Variants in PTPRR observed in about 807,000 individuals in gnomAD.
PTPRR encodes the protein receptor-type tyrosine-protein phosphatase R.
PTPRR carries 38 observed loss-of-function variants against 77.2 expected under a neutral mutation model. The observed-to-expected ratio is 0.49, with a 90% CI of 0.38 to 0.65. The LOEUF (loss-of-function observed/expected upper bound fraction) is 0.65, where lower values mean the gene tolerates loss of function less well. PTPRR is among the 30% of genes least tolerant of loss of function. The pLI, the probability that PTPRR is intolerant of heterozygous loss-of-function variation, is 0.00. For missense variants in PTPRR, 744 were observed against 799.2 expected, an observed-to-expected ratio of 0.93 and a Z score of 0.83; for synonymous variants, 299 against 283.1, an observed-to-expected ratio of 1.06 and a Z score of -0.57.
At chr12:70,908,212 T>C (rs2137133750) in intron 1 of PTPRR, among the ~76,000 whole-genome samples, 1 of 152,176 alleles carries the variant, frequency 6.6e-6, no homozygotes, top group South Asian at 2.1e-4. Flanking sequence ...AAAACGAACA[T>C]TAGAACACAT....
In PTPRR at chr12:70,828,050, G is replaced by A. The variant is rs11178447; in HGVS notation, c.358-63272C>T. On this transcript the variant is annotated intron_variant, in intron 2 of 13. Transcript: ENST00000283228. ...TTTCTTTCATAAGGGCGCTAATCCC[G>A]GTCATGAAGGTTCTGCTCTCATGAC... 7.6e-3 allele frequency among the ~76,000 whole-genome samples: 1,160 copies of A among 152,136 alleles called. 15 individuals carry two copies. The highest frequency in any genetic ancestry group is 0.026 in the African/African-American group (1,092 of 41,508).
chr12:70,812,168 A>C (rs1224871082), intron 2 of PTPRR, among the ~76,000 whole-genome samples: 1 of 152,174 alleles, frequency 6.6e-6, no homozygotes. Context: ...AAAGCTACAA[A>C]ATCTCAGAGG....
intron 1 of PTPRR, among the ~76,000 whole-genome samples, chr12:70,900,731 T>C (rs1893519793): frequency 6.6e-6 from 1 of 151,664 alleles, no homozygotes; most frequent in Admixed American, 6.6e-5. Flanking sequence ...CAGATATTTC[T>C]GAAAAGACGA....
chr12:70,766,808 C>T (rs1357842320), intron 2 of PTPRR, among the ~76,000 whole-genome samples: 10 of 152,046 alleles, frequency 6.6e-5, no homozygotes, highest in South Asian at 2.1e-4. Flanking sequence ...AGACTAACAG[C>T]GGATCTCTCA....
chr12:70,714,934 G>T (rs1251752896), intron 6 of PTPRR, among the ~76,000 whole-genome samples: 1 of 152,148 alleles, frequency 6.6e-6, no homozygotes, highest in Non-Finnish European at 1.5e-5. Flanking sequence ...ACAGTGAGCC[G>T]TGATCACGCT....
At chr12:70,902,013 T>C (rs1194172770) in intron 1 of PTPRR, among the ~76,000 whole-genome samples, 1 of 151,700 alleles carries the variant, frequency 6.6e-6, no homozygotes, top group African/African-American at 2.4e-5. Context: ...AAGACATGAA[T>C]AGACAATTCT....
At chr12:70,800,490 C>T (rs1157180860) in intron 2 of PTPRR, among the ~76,000 whole-genome samples, 1 of 152,154 alleles carries the variant, frequency 6.6e-6, no homozygotes, top group Non-Finnish European at 1.5e-5. Context: ...GTAGCACTTG[C>T]TATGTCCCAG....
At chr12:70,880,883 C>T (rs1893138530) in intron 2 of PTPRR, among the ~76,000 whole-genome samples, 1 of 152,036 alleles carries the variant, frequency 6.6e-6, no homozygotes, top group Admixed American at 6.6e-5. Flanking sequence ...TTTAATAATC[C>T]AGCTTGGCAT....
chr12:70,696,464 A>T (rs1042337179), intron 8 of PTPRR, among the ~76,000 whole-genome samples: 1 of 152,084 alleles, frequency 6.6e-6, no homozygotes, highest in African/African-American at 2.4e-5. Flanking sequence ...TTTCATCTGG[A>T]TTGGAATCAC....
rs869285373 is a variant in PTPRR, at chr12:70,827,709, C to CTTTTT, written c.358-62936_358-62932dup. ...TATAGGTGCCTGCCACCACACCTGG[C>CTTTTT]TTTTTTTTTTTTTTTTTTTTTTTTT... On this transcript the variant is annotated intron_variant, in intron 2 of 13. Transcript: ENST00000283228. 5.9e-4 allele frequency among the ~76,000 whole-genome samples: 38 copies of CTTTTT among 63,870 alleles called. 4 individuals carry two copies. The highest frequency in any genetic ancestry group is 3.2e-3 in the African/African-American group (34 of 10,586). The allele number at this position is 63,870 out of a possible 152,430, so 41.9% of individuals were successfully genotyped here.
chr12:70,687,046 G>A (rs976997953), intron 8 of PTPRR, among the ~76,000 whole-genome samples: 3 of 152,178 alleles, frequency 2.0e-5, no homozygotes, highest in East Asian at 3.9e-4. Context: ...GTGTCAGGTA[G>A]AGCAGGTAAC....
chr12:70,704,165 T>A (rs1052324266), intron 6 of PTPRR, among the ~76,000 whole-genome samples: 1 of 152,070 alleles, frequency 6.6e-6, no homozygotes, highest in African/African-American at 2.4e-5. Flanking sequence ...CTGACATCTG[T>A]AATCCCAGCA....
intron 6 of PTPRR, among the ~76,000 whole-genome samples, chr12:70,743,864 G>A (rs1366763730): frequency 1.3e-5 from 2 of 152,126 alleles, no homozygotes; most frequent in Non-Finnish European, 2.9e-5. Flanking sequence ...GGTCTACAGA[G>A]GGCAGGATGC....
At chr12:70,899,454 G>A (rs1893492020) in intron 1 of PTPRR, among the ~76,000 whole-genome samples, 1 of 151,342 alleles carries the variant, frequency 6.6e-6, no homozygotes, top group African/African-American at 2.4e-5. Flanking sequence ...TCTACTGAGA[G>A]TCTAAAGAGG....
At chr12:70,833,469 T>C (rs1892250336) in intron 2 of PTPRR, among the ~76,000 whole-genome samples, 1 of 151,974 alleles carries the variant, frequency 6.6e-6, no homozygotes, top group Non-Finnish European at 1.5e-5. Flanking sequence ...AAGACATCAG[T>C]GTAAAGGTGA....
intron 1 of PTPRR, among the ~76,000 whole-genome samples, chr12:70,896,298 TC>T (rs1219832882): frequency 6.6e-6 from 1 of 151,608 alleles, no homozygotes; most frequent in Non-Finnish European, 1.5e-5. Flanking sequence ...TTTTAACTGT[TC>T]CCTCTCAATA....
intron 6 of PTPRR, among the ~76,000 whole-genome samples, chr12:70,705,595 G>A (rs762258121): frequency 1.3e-5 from 2 of 152,028 alleles, no homozygotes; most frequent in African/African-American, 4.8e-5. Flanking sequence ...ATGAAATTAA[G>A]TTTCAGTGGG....
At chr12:70,818,735 A>T (rs1260552680) in intron 2 of PTPRR, among the ~76,000 whole-genome samples, 1 of 152,182 alleles carries the variant, frequency 6.6e-6, no homozygotes, top group Non-Finnish European at 1.5e-5. Context: ...ACAGATATTC[A>T]ATCAATTTTA....
At chr12:70,738,563 T>C (rs145847003) in intron 6 of PTPRR, among the ~76,000 whole-genome samples, 205 of 152,354 alleles carry the variant, frequency 1.3e-3, no homozygotes, top group African/African-American at 4.9e-3. Context: ...TGATTTCCTT[T>C]CCATAAAATT....
Sources: gnomAD v4.1 joint callset for allele counts (sites outside exome capture counted in the v4.1 genomes callset) on GRCh38, gnomAD v4.1.1 for gene constraint, MANE v1.5 for transcripts, NCBI Gene and HGNC (gene_info 2026-07-23, HGNC 2026-07-21) for gene names.